GALNTL6: variants seen among roughly 807,000 people sequenced by gnomAD.
The protein encoded by GALNTL6 is polypeptide N-acetylgalactosaminyltransferase like 6, also known as polypeptide N-acetylgalactosaminyltransferase-like 6.
GALNTL6 carries 46 observed loss-of-function variants against 73.7 expected under a neutral mutation model. The observed-to-expected ratio is 0.62, with a 90% confidence interval of 0.49 to 0.80. GALNTL6 has a LOEUF of 0.80. Ranked by LOEUF, GALNTL6 falls within the 30% of genes least tolerant of loss-of-function variation. The pLI is 0.00. For synonymous variants in GALNTL6, 259 were observed against 263.7 expected (o/e 0.98, Z 0.17); for missense variants, 604 against 755.0 (o/e 0.80, Z 2.34).
At chr4:172,767,446 G>C (rs567057974) in intron 5 of GALNTL6, among the ~76,000 whole-genome samples, 3 of 152,234 alleles carry the variant, frequency 2.0e-5, no homozygotes, top group African/African-American at 4.8e-5. Flanking sequence ...TGCCCAAGCT[G>C]TGCGACTCCC....
chr4:172,043,700 G>C (rs139885153), intron 2 of GALNTL6, among the ~76,000 whole-genome samples: 3,621 of 152,108 alleles, frequency 0.024, 68 homozygotes, highest in East Asian at 0.036. Context: ...ACAGGAAATA[G>C]TATTATCTAA....
chr4:171,927,253 C>A (rs968050783), intron 2 of GALNTL6, among the ~76,000 whole-genome samples: 2 of 152,014 alleles, frequency 1.3e-5, no homozygotes, highest in African/African-American at 2.4e-5. Flanking sequence ...TTCAATGTAT[C>A]TCAATTATTT....
At chr4:172,236,057 C>A (rs982314359) in intron 3 of GALNTL6, among the ~76,000 whole-genome samples, 2 of 152,102 alleles carry the variant, frequency 1.3e-5, no homozygotes, top group African/African-American at 4.8e-5. Context: ...TAATTTCAGT[C>A]ATTTTTCTAT....
intron 5 of GALNTL6, among the ~76,000 whole-genome samples, chr4:172,469,084 G>A (rs1176781078): frequency 6.6e-6 from 1 of 152,120 alleles, no homozygotes; most frequent in Non-Finnish European, 1.5e-5. Context: ...ACAGAGCATG[G>A]GACCCACCTG....
At chr4:172,047,444 A>G (rs1742254132) in intron 2 of GALNTL6, among the ~76,000 whole-genome samples, 1 of 152,168 alleles carries the variant, frequency 6.6e-6, no homozygotes, top group Non-Finnish European at 1.5e-5. Flanking sequence ...AAAATGATGC[A>G]TTAGTTGAAT....
At chr4:172,566,352 C>T (rs1736553738) in intron 5 of GALNTL6, among the ~76,000 whole-genome samples, 1 of 152,082 alleles carries the variant, frequency 6.6e-6, no homozygotes, top group Non-Finnish European at 1.5e-5. Flanking sequence ...TTTCAGACCA[C>T]ATTGGAATGA....
chr4:172,195,766 A>G lies in GALNTL6; in HGVS notation c.139-33890A>G, dbSNP rs566029606. On this transcript the variant is annotated intron_variant, in intron 2 of 12. Coordinates refer to ENST00000506823, the MANE Select transcript of GALNTL6 (RefSeq NM_001034845.3). ...TAGAACAAAGAAACAACATACCAGA[A>G]TCTCTGAGATGCAGCTAAAGCAGTG... is the stretch of plus-strand genomic sequence containing the variant. 7.9e-5 allele frequency among the ~76,000 whole-genome samples: 12 copies of G among 152,316 alleles called. No homozygotes were observed. The South Asian group carries it at 2.1e-3, about 26-fold the overall frequency.
chr4:172,260,743 T>C (rs1301607213), intron 3 of GALNTL6, among the ~76,000 whole-genome samples: 7 of 151,656 alleles, frequency 4.6e-5, no homozygotes, highest in African/African-American at 1.4e-4. Flanking sequence ...CATGGGTTTG[T>C]CTTAGATGGC....
chr4:172,701,215 G>A (rs148608240), intron 5 of GALNTL6, among the ~76,000 whole-genome samples: 11 of 152,114 alleles, frequency 7.2e-5, no homozygotes, highest in East Asian at 5.8e-4. Context: ...GGGGTTTTAC[G>A]TCATTAGAAC....
intron 5 of GALNTL6, among the ~76,000 whole-genome samples, chr4:172,366,312 A>G (rs1344814836): frequency 6.6e-6 from 1 of 152,194 alleles, no homozygotes; most frequent in African/African-American, 2.4e-5. Context: ...ATAGATCTGT[A>G]TAAATACAAA....
intron 2 of GALNTL6, among the ~76,000 whole-genome samples, chr4:171,835,421 T>C: frequency 6.6e-6 from 1 of 152,166 alleles, no homozygotes; most frequent in Middle Eastern, 3.4e-3. Flanking sequence ...ATTTTACATT[T>C]TTATTTACAA....
intron 10 of GALNTL6, among the ~76,000 whole-genome samples, chr4:172,997,344 A>G (rs184144025): frequency 1.5e-3 from 223 of 152,272 alleles, no homozygotes; most frequent in Non-Finnish European, 2.5e-3. Flanking sequence ...GTTGGATAGT[A>G]CTGGACAAAC....
intron 5 of GALNTL6, among the ~76,000 whole-genome samples, chr4:172,711,021 T>TAG (rs1189131773): frequency 2.0e-5 from 3 of 152,184 alleles, no homozygotes; most frequent in East Asian, 3.9e-4. Flanking sequence ...GCCTGCAACC[T>TAG]AGAGAGAGAG....
intron 2 of GALNTL6, among the ~76,000 whole-genome samples, chr4:172,021,095 CATCCCTTCATGATAA>C (rs1327002663): frequency 6.6e-6 from 1 of 151,986 alleles, no homozygotes; most frequent in Non-Finnish European, 1.5e-5. Context: ...TAAAATTCGG[CATCCCTTCATGATAA>C]AAACTCTCAA....
chr4:173,004,529 G>A (rs1425244155), intron 10 of GALNTL6, among the ~76,000 whole-genome samples: 1 of 151,696 alleles, frequency 6.6e-6, no homozygotes, highest in African/African-American at 2.4e-5. Context: ...GGGAGGCTGA[G>A]GCAGGAAGAT....
chr4:172,453,366 C>G (rs1465916126), intron 5 of GALNTL6, among the ~76,000 whole-genome samples: 1 of 152,152 alleles, frequency 6.6e-6, no homozygotes, highest in Non-Finnish European at 1.5e-5. Context: ...TGGAAAAGGT[C>G]TGACTTTTCA....
At chr4:172,657,331 AATG>A (rs1478056711) in intron 5 of GALNTL6, among the ~76,000 whole-genome samples, 2 of 152,180 alleles carry the variant, frequency 1.3e-5, no homozygotes, top group African/African-American at 4.8e-5. Flanking sequence ...CGCGATAATT[AATG>A]ATGATTCCGC....
At chr4:172,151,666 A>C (rs529533665) in intron 2 of GALNTL6, among the ~76,000 whole-genome samples, 3 of 152,246 alleles carry the variant, frequency 2.0e-5, no homozygotes, top group Admixed American at 2.0e-4. Context: ...AATCCAGGGC[A>C]GTGTTTGTGA....
chr4:171,875,167 T>C (rs1736241362), intron 2 of GALNTL6, among the ~76,000 whole-genome samples: 3 of 152,204 alleles, frequency 2.0e-5, no homozygotes, highest in Admixed American at 2.0e-4. Context: ...ATGATAATGT[T>C]ACCAGGAAGT....
Sources: gnomAD v4.1 joint callset for allele counts (sites outside exome capture counted in the v4.1 genomes callset) on GRCh38, gnomAD v4.1.1 for gene constraint, MANE v1.5 for transcripts, NCBI Gene and HGNC (gene_info 2026-07-23, HGNC 2026-07-21) for gene names.